CAMKK1: variants seen among roughly 807,000 people sequenced by gnomAD.
CAMKK1 encodes the protein calcium/calmodulin-dependent protein kinase kinase 1.
A neutral mutation model predicts 63.5 loss-of-function variants in CAMKK1; 20 were observed. The observed-to-expected ratio is 0.32, with a 90% confidence interval of 0.22 to 0.46. The LOEUF (loss-of-function observed/expected upper bound fraction) is 0.46. CAMKK1 is among the 20% of genes least tolerant of loss of function. CAMKK1 has a pLI of 1.00. For synonymous variants in CAMKK1, 253 were observed against 269.0 expected (o/e 0.94, Z 0.58); for missense variants, 588 against 658.1 (o/e 0.89, Z 1.17).
intron 9 of CAMKK1, among the ~76,000 whole-genome samples, chr17:3,876,699 C>A (rs576453619): frequency 6.6e-6 from 1 of 151,272 alleles, no homozygotes; most frequent in South Asian, 2.1e-4. Flanking sequence ...GGATCTGCTG[C>A]TGAGTGGGGA....
intron 1 of CAMKK1, among the ~76,000 whole-genome samples, chr17:3,891,638 T>C (rs2055907624): frequency 6.6e-6 from 1 of 151,822 alleles, no homozygotes; most frequent in Admixed American, 6.6e-5. Context: ...GCAAGAGGAG[T>C]TACATCTGGA....
rs1167599217 is a variant in CAMKK1 at position 3,890,934 on chromosome 17, G to T, written c.-44+2005C>A. 6.6e-6 allele frequency among the ~76,000 whole-genome samples: 1 copy of T among 152,092 alleles called. No homozygotes were observed. Among genetic ancestry groups the T allele is most frequent in the Non-Finnish European group, 1.5e-5 (1 of 68,000 alleles). On this transcript the variant is annotated intron_variant, in intron 1 of 15. Coordinates refer to ENST00000348335, the MANE Select transcript of CAMKK1 (RefSeq NM_032294.3). The surrounding 1 kb of genome is among the most constrained non-coding windows in gnomAD (Gnocchi z 6.5). The stretch of plus-strand genomic sequence containing the variant: ...CACTGCTTCGTTTCCCACTATGTGG[G>T]TCTTCCCTGACTCCAGGCTAACACC...
intron 7 of CAMKK1, 140 bp from the exon 8 acceptor site, chr17:3,881,788 A>G (rs960385555): frequency 1.4e-6 from 1 of 723,940 alleles, no homozygotes; most frequent in Non-Finnish European, 2.4e-6. Flanking sequence ...GGACCCTGGG[A>G]TATGAGAGCA....
intron 11 of CAMKK1, 51 bp downstream of exon 11, chr17:3,873,358 T>C (rs780289552): frequency 6.4e-7 from 1 of 1,563,920 alleles, no homozygotes; most frequent in South Asian, 1.1e-5. Flanking sequence ...CCGTCGCCCG[T>C]GCCCGCCTCA....
intron 12 of CAMKK1, among the ~76,000 whole-genome samples, chr17:3,871,360 T>TG (rs2054855525): frequency 2.6e-5 from 3 of 115,524 alleles, no homozygotes; most frequent in Non-Finnish European, 5.3e-5. Flanking sequence ...TTTTTTTTTT[T>TG]TTTTTTTTTT....
intron 1 of CAMKK1, among the ~76,000 whole-genome samples, chr17:3,886,795 C>T (rs767694603): frequency 5.3e-5 from 8 of 152,060 alleles, no homozygotes; most frequent in Non-Finnish European, 7.4e-5. Context: ...ATCCTGACCC[C>T]GGACTGAACC....
intron 1 of CAMKK1, among the ~76,000 whole-genome samples, chr17:3,886,833 C>T (rs995374209): frequency 1.3e-5 from 2 of 152,148 alleles, no homozygotes; most frequent in African/African-American, 4.8e-5. Context: ...ACCCCCATCT[C>T]TGTCCCAGGC....
At chr17:3,869,680 G>A in intron 13 of CAMKK1, 65 bp from the exon 14 acceptor site, 1 of 1,611,486 alleles carries the variant, frequency 6.2e-7, no homozygotes, top group Non-Finnish European at 8.5e-7. Flanking sequence ...CACCTGGAGG[G>A]GTCCAAAGTC....
intron 9 of CAMKK1, 191 bp downstream of exon 9, chr17:3,880,155 G>A (rs1163902240): frequency 1.7e-6 from 1 of 599,082 alleles, no homozygotes; most frequent in Non-Finnish European, 3.0e-6. Context: ...ATGCCCAGTG[G>A]AGTCCACCGC....
chr17:3,881,882 G>A, intron 7 of CAMKK1: 1 of 565,738 alleles, frequency 1.8e-6, no homozygotes, highest in East Asian at 2.9e-5. Context: ...GCATCAGCAT[G>A]GGGCCCTTTT....
chr17:3,871,352 T>TG (rs1222754121), intron 12 of CAMKK1, among the ~76,000 whole-genome samples: 21 of 81,716 alleles, frequency 2.6e-4, no homozygotes, highest in East Asian at 9.2e-4. Flanking sequence ...TTTTTGTTTT[T>TG]TTTTTTTTTT....
rs750900127 is a variant in CAMKK1 at position 3,883,072 on chromosome 17, C to T, written c.618G>A (p.Leu206=). Residue 206 remains leucine, a synonymous_variant, in exon 6 of 16, where the codon CTG becomes CTA. Coordinates refer to ENST00000348335, the MANE Select transcript of CAMKK1 (RefSeq NM_032294.3). The surrounding 1 kb of genome is among the most constrained non-coding windows in gnomAD (Gnocchi z 4.7). ...VYQEIAILKK[L]DHVNVVKLIE... is the part of the protein sequence containing the mutation. ...TCAGTTTGACCACATTCACGTGGTCCAGCTTCTTCAGGATGGCAATCTCCT... is the reference window on the plus strand; with the variant it reads ...TCAGTTTGACCACATTCACGTGGTCTAGCTTCTTCAGGATGGCAATCTCCT... 6.2e-7 allele frequency: 1 copy of T among 1,613,970 alleles called. No homozygotes were observed. The highest frequency in any genetic ancestry group is 8.5e-7 in the Non-Finnish European group (1 of 1,179,994).
At chr17:3,881,242 C>T (rs1200387910) in intron 8 of CAMKK1, among the ~76,000 whole-genome samples, 2 of 152,360 alleles carry the variant, frequency 1.3e-5, no homozygotes, top group African/African-American at 2.4e-5. Context: ...ACTGGAATCC[C>T]ACCCACTCCA....
At chr17:3,878,382 A>C (rs2055262616) in intron 9 of CAMKK1, among the ~76,000 whole-genome samples, 1 of 152,202 alleles carries the variant, frequency 6.6e-6, no homozygotes, top group African/African-American at 2.4e-5. Context: ...GGCTTTACCC[A>C]AGAACCAGGT....
chr17:3,885,215 A>C, intron 2 of CAMKK1, 113 bp downstream of exon 2: 1 of 1,223,360 alleles, frequency 8.2e-7, no homozygotes, highest in Non-Finnish European at 1.1e-6. Context: ...CCCAGCTCTG[A>C]GGGTATGCAA....
In CAMKK1 at chr17:3,883,776, C is replaced by T. The variant is rs914089300; in HGVS notation, c.462+108G>A. Reference sequence around the variant, plus strand: ...TGCATACCCCTAGGGACAGGGAGCTCACTCTCAGGCAGCCCTGTCCTCTAT... The same window carrying T: ...TGCATACCCCTAGGGACAGGGAGCTTACTCTCAGGCAGCCCTGTCCTCTAT... On this transcript the variant is annotated intron_variant, in intron 4 of 15. Coordinates refer to ENST00000348335, the MANE Select transcript of CAMKK1 (RefSeq NM_032294.3). This position sits in a 1 kb window ranked among gnomAD's most constrained non-coding sequence, Gnocchi z 4.7. 11 of 1,081,718 alleles carry T rather than the reference C, an allele frequency of 1.0e-5. No individual in the cohort carries two copies. In the African/African-American group the frequency reaches 1.4e-4, roughly 14 times the overall value. The allele number at this position is 1,081,718 out of a possible 1,614,324, so 67.0% of individuals were successfully genotyped here. A position where few individuals can be genotyped will look rare whatever the true frequency, so the allele number is the denominator to read the frequency against.
intron 15 of CAMKK1, among the ~76,000 whole-genome samples, chr17:3,863,732 A>C (rs1477633555): frequency 1.3e-5 from 2 of 152,002 alleles, no homozygotes; most frequent in Non-Finnish European, 2.9e-5. Context: ...AAAAAGCTCT[A>C]CCCCAAATTA....
Position 3,876,373 on chromosome 17 carries a change from G to C in CAMKK1, c.846C>G (p.Leu282=), listed in dbSNP as rs1437786341. Residue 282 remains leucine, a synonymous_variant, in exon 10 of 16, where the codon CTC becomes CTG. Coordinates refer to ENST00000348335, the MANE Select transcript of CAMKK1 (RefSeq NM_032294.3). ...TCTTCACGTGCCCATCATCCCCCAG[G>C]AGCAGGTTGGATGGCTTGATGTCCC... ...VHRDIKPSNL[L]LGDDGHVKIA... The C allele has an allele frequency of 6.2e-7, 1 of 1,614,228 alleles. No individual in the cohort carries two copies. The highest frequency in any genetic ancestry group is 1.7e-5 in the Admixed American group (1 of 60,030).
intron 8 of CAMKK1, 70 bp from the exon 9 acceptor site, chr17:3,880,504 C>A: frequency 8.2e-7 from 1 of 1,222,090 alleles, no homozygotes; most frequent in South Asian, 1.3e-5. Flanking sequence ...GTGGTCGGGA[C>A]GTCCCGGGAA....
Sources: allele counts gnomAD v4.1 joint callset (sites outside exome capture counted in the v4.1 genomes callset), GRCh38; gene constraint gnomAD v4.1.1; non-coding constraint Gnocchi (gnomAD v3.1); transcripts MANE v1.5; gene names NCBI Gene and HGNC (gene_info 2026-07-23, HGNC 2026-07-21).